The following C8orf88 variants were observed in gnomAD, a reference collection of about 807,000 sequenced individuals.
The protein encoded by C8orf88 is chromosome 8 open reading frame 88.
In C8orf88, 14 loss-of-function variants were observed where a neutral mutation model predicts 18.4. That is an observed-to-expected ratio of 0.76 (90% CI 0.50 to 1.19). C8orf88 has a LOEUF of 1.19. Ranked by LOEUF, C8orf88 falls within the 50% of genes most tolerant of loss-of-function variation. C8orf88 has a pLI of 0.00. For missense variants in C8orf88, 116 were observed against 134.7 expected, an observed-to-expected ratio of 0.86 and a Z score of 0.69; for synonymous variants, 45 against 42.9, an observed-to-expected ratio of 1.05 and a Z score of -0.19.
At chr8:90,965,464 G>T (rs1010193599) in intron 4 of C8orf88, among the ~76,000 whole-genome samples, 1 of 151,614 alleles carries the variant, frequency 6.6e-6, no homozygotes, top group African/African-American at 2.4e-5. Context: ...CTTAACAGAA[G>T]ATCAACAAGA....
At chr8:90,960,641 A>T in intron 5 of C8orf88, 101 bp downstream of exon 5, 1 of 589,538 alleles carries the variant, frequency 1.7e-6, no homozygotes, top group Non-Finnish European at 2.8e-6. Flanking sequence ...TATATCTTAT[A>T]ATAAGGAAGG....
At chr8:90,964,202 T>C (rs1811164373) in intron 4 of C8orf88, among the ~76,000 whole-genome samples, 2 of 151,636 alleles carry the variant, frequency 1.3e-5, no homozygotes, top group Admixed American at 1.3e-4. Flanking sequence ...TCTATCTGTA[T>C]AATAAAAGAG....
At chr8:90,979,127 C>T (rs1040966718) in intron 2 of C8orf88, among the ~76,000 whole-genome samples, 1 of 152,174 alleles carries the variant, frequency 6.6e-6, no homozygotes, top group Non-Finnish European at 1.5e-5. Context: ...ATTTACTAGA[C>T]TTTTCTGCCT....
chr8:90,980,879 G>T (rs1006913941), intron 1 of C8orf88, among the ~76,000 whole-genome samples: 2 of 151,922 alleles, frequency 1.3e-5, no homozygotes, highest in Non-Finnish European at 2.9e-5. Context: ...TTTAAAGATG[G>T]GGTCTCACTA....
chr8:90,970,792 T>C (rs1013734802), intron 4 of C8orf88, among the ~76,000 whole-genome samples: 6 of 151,892 alleles, frequency 4.0e-5, no homozygotes, highest in African/African-American at 1.4e-4. Context: ...AGTGGGAAAA[T>C]AGAAACTTCA....
chr8:90,980,571 G>T (rs138569329), intron 1 of C8orf88, 110 bp from the exon 2 acceptor site: 4 of 511,052 alleles, frequency 7.8e-6, no homozygotes, highest in Non-Finnish European at 1.4e-5. Flanking sequence ...ACAAGTTAAA[G>T]TGGAAAACAC....
chr8:90,969,519 T>A (rs1238369273), intron 4 of C8orf88, among the ~76,000 whole-genome samples: 3 of 151,900 alleles, frequency 2.0e-5, no homozygotes, highest in Non-Finnish European at 4.4e-5. Context: ...TATATATCAA[T>A]TTAAAAAATA....
At chr8:90,975,838 A>G (rs1811340089) in intron 3 of C8orf88, among the ~76,000 whole-genome samples, 1 of 151,922 alleles carries the variant, frequency 6.6e-6, no homozygotes, top group Non-Finnish European at 1.5e-5. Context: ...TAGTAGCATT[A>G]TTTATAATAT....
chr8:90,960,967 T>C (rs1238856285), intron 4 of C8orf88, 119 bp from the exon 5 acceptor site: 1 of 443,052 alleles, frequency 2.3e-6, no homozygotes, highest in Non-Finnish European at 3.9e-6. Context: ...GTCGTGTGTC[T>C]ATGCAAAAGA....
Position 90,967,879 on chromosome 8 carries a change from A to C in C8orf88, c.223+3187T>G, listed in dbSNP as rs115000409. Among the ~76,000 whole-genome samples, 668 of 151,904 alleles carry C rather than the reference A, an allele frequency of 4.4e-3. 5 individuals carry two copies. Among genetic ancestry groups the C allele is most frequent in the African/African-American group, 0.015 (614 of 41,508 alleles). ...ATAAATTTAACCAAGGAGGTACATG[A>C]CTTGTACACTGAAAACTGTAAAATA... On this transcript the variant is annotated intron_variant, in intron 4 of 5. Transcript: ENST00000517562.
chr8:90,965,850 A>G (rs1162421282), intron 4 of C8orf88, among the ~76,000 whole-genome samples: 1 of 151,888 alleles, frequency 6.6e-6, no homozygotes, highest in Non-Finnish European at 1.5e-5. Context: ...AAGTCACAAC[A>G]TATCAAAATT....
At chr8:90,968,311 C>A (rs80330742) in intron 4 of C8orf88, among the ~76,000 whole-genome samples, 1 of 151,522 alleles carries the variant, frequency 6.6e-6, no homozygotes, top group Non-Finnish European at 1.5e-5. Flanking sequence ...ACAAAGGTGC[C>A]AAGTCCATTC....
intron 3 of C8orf88, among the ~76,000 whole-genome samples, chr8:90,976,327 A>G (rs889371584): frequency 6.6e-6 from 1 of 152,142 alleles, no homozygotes; most frequent in Non-Finnish European, 1.5e-5. Flanking sequence ...TCTCTAACAT[A>G]GGTTCTAATA....
chr8:90,966,348 T>C (rs1375346141), intron 4 of C8orf88, among the ~76,000 whole-genome samples: 1 of 100,172 alleles, frequency 1.0e-5, no homozygotes, highest in Non-Finnish European at 1.9e-5. Flanking sequence ...CTTTGGGGAC[T>C]GTTGTGGGGT....
intron 4 of C8orf88, among the ~76,000 whole-genome samples, chr8:90,970,725 G>A (rs1202221941): frequency 6.6e-6 from 1 of 151,994 alleles, no homozygotes; most frequent in Non-Finnish European, 1.5e-5. Context: ...CAGTTATCTT[G>A]GGACCATGAG....
At chr8:90,961,237 TAACAC>T (rs1811122575) in intron 4 of C8orf88, among the ~76,000 whole-genome samples, 1 of 151,362 alleles carries the variant, frequency 6.6e-6, no homozygotes, top group Non-Finnish European at 1.5e-5. Context: ...ACTAAAAACT[TAACAC>T]AATAAAAATA....
rs866835884 is a variant in C8orf88 at position 90,982,991 on chromosome 8, C to T, written c.-27+2123G>A. On this transcript the variant is annotated intron_variant, in intron 1 of 5. Transcript: ENST00000517562. ...TTAGTTAAAAATAATAAAGACTTAACTGCACTACAAAGTCATTATACAAAA... is the reference window on the plus strand; with the variant it reads ...TTAGTTAAAAATAATAAAGACTTAATTGCACTACAAAGTCATTATACAAAA... Among the ~76,000 whole-genome samples the T allele has an allele frequency of 1.8e-4, 28 of 152,208 alleles. 1 individual carries two copies. In the Middle Eastern group the frequency reaches 0.02, roughly 111 times the overall value.
intron 4 of C8orf88, among the ~76,000 whole-genome samples, chr8:90,970,391 C>T (rs568684795): frequency 1.3e-3 from 192 of 152,044 alleles, no homozygotes; most frequent in Non-Finnish European, 2.3e-3. Flanking sequence ...ATACTTCAAA[C>T]TTTTAAACTA....
At chr8:90,972,853 T>A (rs1811302542) in intron 3 of C8orf88, among the ~76,000 whole-genome samples, 1 of 152,160 alleles carries the variant, frequency 6.6e-6, no homozygotes, top group African/African-American at 2.4e-5. Flanking sequence ...TGCTGTATAT[T>A]TTCTAGCAGA....
Sources: allele counts gnomAD v4.1 joint callset (sites outside exome capture counted in the v4.1 genomes callset), GRCh38; gene constraint gnomAD v4.1.1; transcripts MANE v1.5; gene names NCBI Gene and HGNC (gene_info 2026-07-23, HGNC 2026-07-21).